The following CDH18 variants were observed in gnomAD, a reference collection of about 807,000 sequenced individuals.
CDH18 encodes cadherin-18.
Under a neutral mutation model 67.9 loss-of-function variants are expected in CDH18, and 31 were observed. That is an observed-to-expected ratio of 0.46 (90% confidence interval 0.34 to 0.62). CDH18 has a LOEUF of 0.62. CDH18 is among the 20% of genes least tolerant of loss of function. The pLI is 0.01. For missense variants in CDH18, 890 were observed against 975.5 expected (o/e 0.91, Z 1.17); for synonymous variants, 362 against 347.2 (o/e 1.04, Z -0.48).
chr5:20,398,559 C>T (rs1199475676), intron 1 of CDH18, among the ~76,000 whole-genome samples: 1 of 152,114 alleles, frequency 6.6e-6, no homozygotes, highest in Non-Finnish European at 1.5e-5. Flanking sequence ...AGCAATGAAA[C>T]GTCCTAATGC....
intron 2 of CDH18, among the ~76,000 whole-genome samples, chr5:19,948,049 C>T (rs912829216): frequency 4.0e-4 from 61 of 152,082 alleles, no homozygotes; most frequent in African/African-American, 9.2e-4. Flanking sequence ...CATTAGCTAT[C>T]GAGGAAGTGT....
intron 5 of CDH18, among the ~76,000 whole-genome samples, chr5:19,669,710 C>A (rs1386232737): frequency 6.6e-6 from 1 of 152,038 alleles, no homozygotes; most frequent in Non-Finnish European, 1.5e-5. Context: ...TAGACAAGAG[C>A]AAAGAGGTTC....
At chr5:19,620,463 T>G (rs569833920) in intron 5 of CDH18, among the ~76,000 whole-genome samples, 5 of 152,080 alleles carry the variant, frequency 3.3e-5, no homozygotes, top group Admixed American at 1.3e-4. Flanking sequence ...GCTCAAGGAA[T>G]TTAGCCCTTG....
chr5:20,357,824 T>C (rs893780365), intron 1 of CDH18, among the ~76,000 whole-genome samples: 2 of 152,080 alleles, frequency 1.3e-5, no homozygotes, highest in African/African-American at 4.8e-5. Flanking sequence ...TAAATGATTC[T>C]ACCAAAAGGA....
intron 2 of CDH18, among the ~76,000 whole-genome samples, chr5:19,954,867 T>C (rs1454025500): frequency 6.8e-6 from 1 of 147,684 alleles, no homozygotes; most frequent in Non-Finnish European, 1.5e-5. Context: ...AAAAAAAGAG[T>C]TATTGGGACT....
chr5:20,512,255 G>A (rs1443471083), intron 1 of CDH18, among the ~76,000 whole-genome samples: 1 of 151,946 alleles, frequency 6.6e-6, no homozygotes, highest in Non-Finnish European at 1.5e-5. Flanking sequence ...TCGCTATTTT[G>A]TGTATCTATT....
At chr5:20,312,448 C>T (rs189845212) in intron 1 of CDH18, among the ~76,000 whole-genome samples, 2 of 152,174 alleles carry the variant, frequency 1.3e-5, no homozygotes, top group African/African-American at 4.8e-5. Context: ...GGGACTATGT[C>T]TGTTCATTTT....
chr5:20,441,085 T>A (rs1365926697), intron 1 of CDH18, among the ~76,000 whole-genome samples: 1 of 151,788 alleles, frequency 6.6e-6, no homozygotes, highest in East Asian at 1.9e-4. Context: ...ATAATGGGAA[T>A]CCTCTCCAAG....
At chr5:20,297,530 A>G (rs956007475) in intron 1 of CDH18, among the ~76,000 whole-genome samples, 1 of 152,218 alleles carries the variant, frequency 6.6e-6, no homozygotes, top group African/African-American at 2.4e-5. Context: ...ATGAGTCACA[A>G]TGTCCAAAAT....
At chr5:20,401,953 T>C (rs1189196868) in intron 1 of CDH18, among the ~76,000 whole-genome samples, 1 of 152,150 alleles carries the variant, frequency 6.6e-6, no homozygotes, top group Non-Finnish European at 1.5e-5. Flanking sequence ...AAAACTTCCT[T>C]TGATCTTCTA....
intron 2 of CDH18, among the ~76,000 whole-genome samples, chr5:19,870,205 C>G (rs1786096643): frequency 6.6e-6 from 1 of 152,064 alleles, no homozygotes; most frequent in African/African-American, 2.4e-5. Context: ...AGTTGCATAA[C>G]ACTGTGAGGA....
At chr5:20,018,117 G>A (rs886833565) in intron 2 of CDH18, among the ~76,000 whole-genome samples, 1 of 152,096 alleles carries the variant, frequency 6.6e-6, no homozygotes, top group African/African-American at 2.4e-5. Context: ...GGTGAGGTAG[G>A]TACTATTTTT....
chr5:20,303,937 A>T, intron 1 of CDH18: 1 of 673,328 alleles, frequency 1.5e-6, no homozygotes, highest in Non-Finnish European at 2.6e-6. Context: ...AAAAGTTTTA[A>T]GTTATCTGTA....
intron 1 of CDH18, among the ~76,000 whole-genome samples, chr5:20,355,843 G>T (rs535029727): frequency 6.6e-6 from 1 of 152,202 alleles, no homozygotes; most frequent in African/African-American, 2.4e-5. Flanking sequence ...CACTAACATA[G>T]GACACTAATG....
At chr5:19,798,285 AGTT>A (rs1220128708) in intron 3 of CDH18, among the ~76,000 whole-genome samples, 1 of 152,066 alleles carries the variant, frequency 6.6e-6, no homozygotes, top group Non-Finnish European at 1.5e-5. Flanking sequence ...CTTAAAATCT[AGTT>A]GTGAAAAATA....
chr5:20,187,548 T>C (rs1385508466), intron 2 of CDH18, among the ~76,000 whole-genome samples: 5 of 151,882 alleles, frequency 3.3e-5, no homozygotes, highest in African/African-American at 1.2e-4. Context: ...AGGAAATACA[T>C]AAAATAAATT....
At position 20,170,331 on chromosome 5, in the gene CDH18, T is replaced by A. The variant is rs139162864; in HGVS notation, c.-518+85113A>T. Reference sequence around the variant, plus strand: ...CTGAGTATAATGGCTTCCAGCTCCATCTATGTCCCTGCAAAGGACATGATC... The same window carrying A: ...CTGAGTATAATGGCTTCCAGCTCCAACTATGTCCCTGCAAAGGACATGATC... On this transcript the variant is annotated intron_variant, in intron 2 of 14. Coordinates refer to the CDH18 transcript ENST00000507958. Among the ~76,000 whole-genome samples, 253 of 152,248 alleles carry A rather than the reference T, an allele frequency of 1.7e-3. 2 individuals carry two copies. Among genetic ancestry groups the A allele is most frequent in the African/African-American group, 4.2e-3 (176 of 41,552 alleles).
chr5:20,219,009 A>G (rs1708204302), intron 2 of CDH18, among the ~76,000 whole-genome samples: 1 of 152,008 alleles, frequency 6.6e-6, no homozygotes, highest in South Asian at 2.1e-4. Context: ...AGAAGAAAAT[A>G]AGTAACAAAA....
chr5:19,752,191 G>C (rs1770934752), intron 3 of CDH18, among the ~76,000 whole-genome samples: 1 of 152,090 alleles, frequency 6.6e-6, no homozygotes, highest in Non-Finnish European at 1.5e-5. Context: ...TGGACTCAGG[G>C]GAGGATGCAA....
Sources: allele counts gnomAD v4.1 joint callset (sites outside exome capture counted in the v4.1 genomes callset), GRCh38; gene constraint gnomAD v4.1.1; transcripts MANE v1.5; gene names NCBI Gene and HGNC (gene_info 2026-07-23, HGNC 2026-07-21).